The following FAM117B variants were observed in gnomAD, a reference collection of about 807,000 sequenced individuals.
The protein encoded by FAM117B is family with sequence similarity 117 member B, also known as protein FAM117B.
FAM117B carries 22 observed loss-of-function variants against 52.8 expected under a neutral mutation model. The observed-to-expected ratio is 0.42, with a 90% CI of 0.30 to 0.59. The LOEUF is 0.59. Ranked by LOEUF, FAM117B falls within the 20% of genes least tolerant of loss-of-function variation. FAM117B has a pLI of 0.22. For synonymous variants in FAM117B, 309 were observed against 324.1 expected (o/e 0.95, Z 0.50); for missense variants, 678 against 802.6 (o/e 0.84, Z 1.88).
intron 4 of FAM117B, among the ~76,000 whole-genome samples, chr2:202,730,074 G>A (rs1397889949): frequency 1.3e-5 from 2 of 152,124 alleles, no homozygotes; most frequent in African/African-American, 2.4e-5. Context: ...TATTTAGAAG[G>A]TAAGAATTAA....
chr2:202,639,308 TCTA>T (rs1363975887), intron 1 of FAM117B, among the ~76,000 whole-genome samples: 1 of 152,218 alleles, frequency 6.6e-6, no homozygotes, highest in Non-Finnish European at 1.5e-5. Context: ...GCTTTATTCT[TCTA>T]GGGTTAGAGC....
intron 1 of FAM117B, among the ~76,000 whole-genome samples, chr2:202,670,311 G>A (rs1010822949): frequency 6.2e-5 from 9 of 145,810 alleles, no homozygotes; most frequent in African/African-American, 2.4e-4. Flanking sequence ...TTTTTTTTGA[G>A]ATGGAGTCTA....
At chr2:202,638,189 ACT>A (rs1348336930) in intron 1 of FAM117B, among the ~76,000 whole-genome samples, 1 of 152,062 alleles carries the variant, frequency 6.6e-6, no homozygotes, top group African/African-American at 2.4e-5. Context: ...TAGTTAAGTA[ACT>A]CTTACAGATA....
intron 2 of FAM117B, among the ~76,000 whole-genome samples, chr2:202,711,984 T>C (rs1207859912): frequency 6.6e-6 from 1 of 152,196 alleles, no homozygotes; most frequent in Non-Finnish European, 1.5e-5. Flanking sequence ...ATGTGATTCT[T>C]CCAGTTTTGT....
intron 2 of FAM117B, among the ~76,000 whole-genome samples, chr2:202,702,654 C>T (rs1211802860): frequency 3.9e-5 from 6 of 151,952 alleles, no homozygotes; most frequent in South Asian, 2.1e-4. Flanking sequence ...CCCAGGTTCA[C>T]GCCATTCTCC....
At chr2:202,749,156 G>A (rs1023362717) in intron 4 of FAM117B, among the ~76,000 whole-genome samples, 14 of 152,042 alleles carry the variant, frequency 9.2e-5, no homozygotes, top group African/African-American at 3.4e-4. Flanking sequence ...TTGGCATTAT[G>A]AATCAAAGTC....
chr2:202,718,115 G>A (rs1691086179), intron 2 of FAM117B, among the ~76,000 whole-genome samples: 1 of 152,102 alleles, frequency 6.6e-6, no homozygotes, highest in South Asian at 2.1e-4. Flanking sequence ...GTTCCCTTAA[G>A]GCCCAAAAGC....
At chr2:202,666,868 A>C (rs946044063) in intron 1 of FAM117B, among the ~76,000 whole-genome samples, 1 of 151,668 alleles carries the variant, frequency 6.6e-6, no homozygotes, top group Non-Finnish European at 1.5e-5. Context: ...GATGGTCTCG[A>C]TCTCCTGACC....
intron 2 of FAM117B, among the ~76,000 whole-genome samples, chr2:202,718,419 G>A (rs1254324727): frequency 6.6e-6 from 1 of 152,180 alleles, no homozygotes; most frequent in East Asian, 1.9e-4. Context: ...TCATGAAAGA[G>A]TGAATTTTGT....
At chr2:202,755,509 G>A in intron 4 of FAM117B, 29 bp from the exon 5 acceptor site, 1 of 1,609,390 alleles carries the variant, frequency 6.2e-7, no homozygotes, top group East Asian at 2.2e-5. Flanking sequence ...GTAATGTTAA[G>A]CCTCTCTTCT....
chr2:202,646,586 C>T lies in FAM117B; in HGVS notation c.601+10798C>T, dbSNP rs185774447. Among the ~76,000 whole-genome samples the T allele has an allele frequency of 2.0e-3, 301 of 152,226 alleles. 1 individual carries two copies. Among genetic ancestry groups the T allele is most frequent in the African/African-American group, 7.1e-3 (295 of 41,554 alleles). ...TTTTGTTCTGGAGACTCCTTGGCAT[C>T]GTTTCCATTTCTCAGGGAACCCAGG... On this transcript the variant is annotated intron_variant, in intron 1 of 7. Coordinates refer to ENST00000392238, the MANE Select transcript of FAM117B (RefSeq NM_173511.4).
intron 2 of FAM117B, among the ~76,000 whole-genome samples, chr2:202,696,620 G>A (rs1052552448): frequency 2.0e-5 from 3 of 152,108 alleles, no homozygotes; most frequent in Non-Finnish European, 4.4e-5. Context: ...CTAACTTTAC[G>A]TTTTTGTGCC....
rs564005445 is a variant in FAM117B at position 202,699,461 on chromosome 2, A to AG, written c.753+3429_753+3430insG. Among the ~76,000 whole-genome samples the AG allele has an allele frequency of 1.1e-4, 16 of 150,540 alleles. No homozygotes were observed. In the East Asian group the frequency reaches 2.9e-3, roughly 27 times the overall value. On this transcript the variant is annotated intron_variant, in intron 2 of 7. Transcript: ENST00000392238. ...AAAAAAAAAAAAAGAAAAAAAAAAAAAAAGAAAGAAAGAAAATGTATAATT... is the reference window on the plus strand; with the variant it reads ...AAAAAAAAAAAAAGAAAAAAAAAAAAGAAAGAAAGAAAGAAAATGTATAATT...
chr2:202,757,656 C>CT (rs1268762322), intron 6 of FAM117B, among the ~76,000 whole-genome samples: 2 of 152,130 alleles, frequency 1.3e-5, no homozygotes, highest in Non-Finnish European at 2.9e-5. Flanking sequence ...GTTTGTAGCT[C>CT]TTTTTTTGCA....
At chr2:202,689,655 C>T (rs1426301720) in intron 1 of FAM117B, among the ~76,000 whole-genome samples, 4 of 152,066 alleles carry the variant, frequency 2.6e-5, no homozygotes, top group Admixed American at 2.6e-4. Flanking sequence ...CAGTGACTCA[C>T]GCCTGTAATC....
At chr2:202,737,647 A>G (rs1393485840) in intron 4 of FAM117B, among the ~76,000 whole-genome samples, 1 of 151,658 alleles carries the variant, frequency 6.6e-6, no homozygotes, top group Non-Finnish European at 1.5e-5. Flanking sequence ...TGTAGTCTAG[A>G]CTGGAGTGCA....
rs116376043 is a variant in FAM117B, at chr2:202,757,334, G to A, written c.1226G>A (p.Arg409His). 1.6e-5 allele frequency: 26 copies of A among 1,613,974 alleles called. No individual in the cohort carries two copies. The highest frequency in any genetic ancestry group is 2.1e-5 in the Non-Finnish European group (25 of 1,180,044). Residue 409 changes from arginine to histidine, a missense_variant, in exon 6 of 8, where the codon CGT (arginine) becomes CAT (histidine). Arg to His is a conservative substitution (Grantham distance 29). Transcript: ENST00000392238. ...GADRGSNNSSRSQSVSPTSFL... is the reference protein window; with the variant it reads ...GADRGSNNSSHSQSVSPTSFL... ...GACAGGGGAAGCAACAACAGCAGCC[G>A]TTCCCAGTCCGTGTCCCCAACATCG...
intron 1 of FAM117B, among the ~76,000 whole-genome samples, chr2:202,653,818 C>G (rs916305529): frequency 3.3e-5 from 5 of 152,060 alleles, no homozygotes; most frequent in African/African-American, 1.2e-4. Flanking sequence ...TCATTTATTA[C>G]TATGGTGACT....
At chr2:202,756,903 C>T (rs1455719120) in intron 5 of FAM117B, among the ~76,000 whole-genome samples, 2 of 151,882 alleles carry the variant, frequency 1.3e-5, no homozygotes, top group Non-Finnish European at 2.9e-5. Flanking sequence ...ATTTCATGGC[C>T]CTCATTTATA....
Sources: gnomAD v4.1 joint callset for allele counts (sites outside exome capture counted in the v4.1 genomes callset) on GRCh38, gnomAD v4.1.1 for gene constraint, MANE v1.5 for transcripts, NCBI Gene and HGNC (gene_info 2026-07-23, HGNC 2026-07-21) for gene names.